SUGCT: variants seen among roughly 807,000 people sequenced by gnomAD.
SUGCT encodes the protein succinyl-CoA:glutarate-CoA transferase, also known as succinyl-CoA:glutarate CoA-transferase.
A neutral mutation model predicts 55.0 loss-of-function variants in SUGCT; 41 were observed. That is an observed-to-expected ratio of 0.74 (90% confidence interval 0.58 to 0.97). The LOEUF (loss-of-function observed/expected upper bound fraction) is 0.97. Among genes scored for constraint, SUGCT ranks in the 50% least tolerant of loss-of-function variants. The probability of loss-of-function intolerance (pLI) is 0.00; values close to 1 mark genes in which losing one functional copy is unlikely to be tolerated. For missense variants in SUGCT, 568 were observed against 547.8 expected (o/e 1.04, Z -0.37); for synonymous variants, 187 against 200.4 (o/e 0.93, Z 0.56).
At chr7:40,762,297 T>C (rs1000474424) in intron 13 of SUGCT, among the ~76,000 whole-genome samples, 3 of 152,154 alleles carry the variant, frequency 2.0e-5, no homozygotes, top group Admixed American at 2.0e-4. Flanking sequence ...AAAATGGAGT[T>C]GATTAAGTGG....
At position 40,329,078 on chromosome 7, in the gene SUGCT, G is replaced by A. The variant is rs73688028; in HGVS notation, c.816+12223G>A. On this transcript the variant is annotated intron_variant, in intron 9 of 13. Transcript: ENST00000335693. ...CGCATGTAGTTACATGTCCTGTTTTGTTCCTAGGGGTGTCCAGTGCAAATC... is the reference window on the plus strand; with the variant it reads ...CGCATGTAGTTACATGTCCTGTTTTATTCCTAGGGGTGTCCAGTGCAAATC... 2.6e-3 allele frequency among the ~76,000 whole-genome samples: 393 copies of A among 152,270 alleles called. 3 individuals carry two copies. The highest frequency in any genetic ancestry group is 9.0e-3 in the African/African-American group (375 of 41,548).
intron 6 of SUGCT, among the ~76,000 whole-genome samples, chr7:40,202,573 G>T (rs1786672361): frequency 6.6e-6 from 1 of 152,070 alleles, no homozygotes; most frequent in South Asian, 2.1e-4. Context: ...TCAGAATCAG[G>T]CCCTCCCAGG....
At chr7:40,957,845 T>G in the SUGCT span, among the ~76,000 whole-genome samples, 2 of 152,162 alleles carry the variant, frequency 1.3e-5, no homozygotes, top group Non-Finnish European at 2.9e-5. Context: ...GGAGCTCTTG[T>G]AAGGCAGGCC....
At chr7:41,026,644 T>C in the SUGCT span, among the ~76,000 whole-genome samples, 1 of 152,246 alleles carries the variant, frequency 6.6e-6, no homozygotes, top group Admixed American at 6.5e-5. Flanking sequence ...AGTATTAACA[T>C]GCCCATCTAC....
the SUGCT span, among the ~76,000 whole-genome samples, chr7:40,910,932 A>G: frequency 6.6e-6 from 1 of 152,236 alleles, no homozygotes; most frequent in African/African-American, 2.4e-5. Context: ...TGTTAGTAGT[A>G]AAGACCATCC....
chr7:40,955,513 T>C, the SUGCT span, among the ~76,000 whole-genome samples: 7 of 152,234 alleles, frequency 4.6e-5, no homozygotes, highest in African/African-American at 1.7e-4. Context: ...AAGTTGCTTA[T>C]CAGCTTAAGG....
intron 12 of SUGCT, among the ~76,000 whole-genome samples, chr7:40,585,703 G>A (rs952721052): frequency 6.6e-5 from 10 of 151,912 alleles, no homozygotes; most frequent in African/African-American, 2.4e-4. Context: ...TTTTTGAGAC[G>A]GGATCTCACT....
intron 12 of SUGCT, among the ~76,000 whole-genome samples, chr7:40,695,300 C>T (rs980371427): frequency 1.2e-4 from 18 of 151,774 alleles, no homozygotes; most frequent in African/African-American, 1.7e-4. Flanking sequence ...TGGGCTCAAG[C>T]GATCCTCCCA....
At chr7:40,799,174 G>C (rs1163255883) in intron 13 of SUGCT, among the ~76,000 whole-genome samples, 1 of 152,124 alleles carries the variant, frequency 6.6e-6, no homozygotes, top group Non-Finnish European at 1.5e-5. Flanking sequence ...AGAGATCCTG[G>C]AGCTGATGCC....
Position 40,782,288 on chromosome 7 carries a change from T to G in SUGCT, c.1153+32791T>G, listed in dbSNP as rs1188314196. Among the ~76,000 whole-genome samples, 47 of 152,172 alleles carry G rather than the reference T, an allele frequency of 3.1e-4. 1 individual carries two copies. Among genetic ancestry groups the G allele is most frequent in the Admixed American group, 3.0e-3 (46 of 15,270 alleles). ...TATCCTTATTATTACATATCTATAA[T>G]TTTTAAATATCCCTGACCAATTCAT... On this transcript the variant is annotated intron_variant, in intron 13 of 13. Transcript: ENST00000335693.
chr7:40,490,925 A>G (rs1791644246), intron 11 of SUGCT, among the ~76,000 whole-genome samples: 1 of 152,184 alleles, frequency 6.6e-6, no homozygotes, highest in African/African-American at 2.4e-5. Flanking sequence ...GTGCTATTCC[A>G]TTTTAATCTA....
At chr7:40,273,197 C>A (rs1033973871) in intron 7 of SUGCT, among the ~76,000 whole-genome samples, 1 of 152,136 alleles carries the variant, frequency 6.6e-6, no homozygotes, top group African/African-American at 2.4e-5. Context: ...ATGGCAATAT[C>A]GTCCTTGAAA....
At chr7:41,012,764 T>TAA in the SUGCT span, among the ~76,000 whole-genome samples, 5 of 146,564 alleles carry the variant, frequency 3.4e-5, no homozygotes, top group African/African-American at 1.2e-4. Flanking sequence ...CCAGAGAAAC[T>TAA]AAAAAAAAAA....
intron 12 of SUGCT, among the ~76,000 whole-genome samples, chr7:40,509,391 A>G (rs1792799530): frequency 6.6e-6 from 1 of 152,118 alleles, no homozygotes; most frequent in Admixed American, 6.5e-5. Context: ...GAAAAAGACC[A>G]ATGGTATTTG....
intron 9 of SUGCT, among the ~76,000 whole-genome samples, chr7:40,402,727 G>C (rs1786147352): frequency 6.6e-6 from 1 of 152,046 alleles, no homozygotes; most frequent in African/African-American, 2.4e-5. Context: ...TCAAATGTCT[G>C]TCTCTCTCTC....
intron 6 of SUGCT, among the ~76,000 whole-genome samples, chr7:40,208,217 A>G (rs1787108209): frequency 6.6e-6 from 1 of 152,166 alleles, no homozygotes; most frequent in Admixed American, 6.5e-5. Context: ...TTTAATGGGT[A>G]TAGGGTTTCA....
chr7:40,644,558 C>T (rs1800412645), intron 12 of SUGCT, among the ~76,000 whole-genome samples: 1 of 152,208 alleles, frequency 6.6e-6, no homozygotes, highest in Non-Finnish European at 1.5e-5. Context: ...TCCCAAGAAA[C>T]CATGCAGGGT....
chr7:40,373,628 G>A (rs1784406152), intron 9 of SUGCT, among the ~76,000 whole-genome samples: 1 of 151,922 alleles, frequency 6.6e-6, no homozygotes, highest in Non-Finnish European at 1.5e-5. Context: ...GTTCCCAAAT[G>A]CATATTTTTG....
rs371371588 is a variant in SUGCT, at chr7:40,394,225, A to G, written c.817-55062A>G. Among the ~76,000 whole-genome samples, 89 of 152,270 alleles carry G rather than the reference A, an allele frequency of 5.8e-4. No individual in the cohort carries two copies. In the Middle Eastern group the frequency reaches 0.017, roughly 29 times the overall value. ...TCACTCTCAGAAATTCTGCATCATC[A>G]ATATTTTTAAAATCTCCCCAGGTGA... is the stretch of plus-strand genomic sequence containing the variant. On this transcript the variant is annotated intron_variant, in intron 9 of 13. Transcript: ENST00000335693.
Sources: gnomAD v4.1 joint callset for allele counts (sites outside exome capture counted in the v4.1 genomes callset) on GRCh38, gnomAD v4.1.1 for gene constraint, MANE v1.5 for transcripts, NCBI Gene and HGNC (gene_info 2026-07-23, HGNC 2026-07-21) for gene names.